SORCS1: variants seen among roughly 807,000 people sequenced by gnomAD.
The protein encoded by SORCS1 is sortilin related VPS10 domain containing receptor 1, also known as VPS10 domain-containing receptor SorCS1.
In SORCS1, 60 loss-of-function variants were observed where a neutral mutation model predicts 146.1. That is an observed-to-expected ratio of 0.41 (90% CI 0.33 to 0.51). The LOEUF (loss-of-function observed/expected upper bound fraction) is 0.51. SORCS1 is among the 20% of genes least tolerant of loss of function. The pLI is 0.21. For missense variants in SORCS1, 1,352 were observed against 1,487.6 expected (o/e 0.91, Z 1.50); for synonymous variants, 637 against 584.0 (o/e 1.09, Z -1.31).
At chr10:107,151,087 A>T (rs1278314679) in intron 1 of SORCS1, among the ~76,000 whole-genome samples, 1 of 152,200 alleles carries the variant, frequency 6.6e-6, no homozygotes, top group African/African-American at 2.4e-5. Context: ...GAGGGCTCAG[A>T]AGAAGACAGG....
At chr10:107,018,610 T>C (rs562764430) in intron 1 of SORCS1, among the ~76,000 whole-genome samples, 36 of 152,198 alleles carry the variant, frequency 2.4e-4, no homozygotes, top group Non-Finnish European at 5.0e-4. Context: ...GCTTTTCTTT[T>C]GTTAATCAAT....
intron 1 of SORCS1, among the ~76,000 whole-genome samples, chr10:107,140,377 A>G (rs1459336302): frequency 3.3e-5 from 5 of 152,204 alleles, no homozygotes; most frequent in Admixed American, 2.6e-4. Context: ...GTGCAGTTTT[A>G]TTGTCAGCAA....
intron 1 of SORCS1, among the ~76,000 whole-genome samples, chr10:107,141,064 C>T (rs1192929559): frequency 6.6e-6 from 1 of 152,200 alleles, no homozygotes; most frequent in East Asian, 1.9e-4. Context: ...GATTTCTCAT[C>T]TGTAAAATGA....
intron 9 of SORCS1, among the ~76,000 whole-genome samples, chr10:106,693,720 G>T (rs764294691): frequency 6.6e-6 from 1 of 152,088 alleles, no homozygotes; most frequent in Non-Finnish European, 1.5e-5. Flanking sequence ...TTACTTTCTG[G>T]ATGGTTCTGT....
chr10:106,732,177 G>A (rs1856646244), intron 5 of SORCS1, among the ~76,000 whole-genome samples: 1 of 152,212 alleles, frequency 6.6e-6, no homozygotes, highest in Admixed American at 6.5e-5. Flanking sequence ...GCCTATGCTT[G>A]AAACATTAAA....
intron 24 of SORCS1, among the ~76,000 whole-genome samples, chr10:106,582,802 G>A (rs1036748776): frequency 1.3e-5 from 2 of 152,174 alleles, no homozygotes; most frequent in Non-Finnish European, 2.9e-5. Context: ...AAAATCCTCT[G>A]AGGAATTTGG....
chr10:106,731,706 C>T (rs1856611672), intron 5 of SORCS1, among the ~76,000 whole-genome samples: 1 of 152,048 alleles, frequency 6.6e-6, no homozygotes, highest in East Asian at 1.9e-4. Context: ...CCTCTTCCCC[C>T]AACAGACACA....
chr10:106,857,585 G>A (rs2137377142), intron 2 of SORCS1, among the ~76,000 whole-genome samples: 1 of 152,286 alleles, frequency 6.6e-6, no homozygotes, highest in Non-Finnish European at 1.5e-5. Flanking sequence ...GGGCGCATTG[G>A]GTGCATCACA....
At chr10:106,639,926 G>A (rs766456378) in intron 18 of SORCS1, among the ~76,000 whole-genome samples, 48 of 152,020 alleles carry the variant, frequency 3.2e-4, no homozygotes, top group Non-Finnish European at 6.3e-4. Context: ...GCTGAGGGAG[G>A]AGAATTGCTT....
intron 1 of SORCS1, among the ~76,000 whole-genome samples, chr10:107,029,574 A>G (rs1016070938): frequency 6.6e-6 from 1 of 152,174 alleles, no homozygotes; most frequent in Non-Finnish European, 1.5e-5. Context: ...TTTTAATCCT[A>G]TTGCCTAAAT....
chr10:107,118,533 C>T (rs552082979), intron 1 of SORCS1, among the ~76,000 whole-genome samples: 23 of 152,224 alleles, frequency 1.5e-4, no homozygotes, highest in African/African-American at 5.3e-4. Flanking sequence ...CATCCAATGT[C>T]CTTTGATTTA....
chr10:106,723,329 A>G (rs1412264205), intron 6 of SORCS1, among the ~76,000 whole-genome samples: 2 of 151,968 alleles, frequency 1.3e-5, no homozygotes, highest in African/African-American at 4.8e-5. Context: ...AAATGCACCT[A>G]TGTTAGGTAA....
intron 1 of SORCS1, among the ~76,000 whole-genome samples, chr10:107,026,955 T>C (rs1021259570): frequency 4.0e-5 from 6 of 151,206 alleles, no homozygotes; most frequent in Non-Finnish European, 7.4e-5. Context: ...TTTAAAAATA[T>C]GAATAAATCA....
At chr10:107,093,478 T>C (rs1241809575) in intron 1 of SORCS1, among the ~76,000 whole-genome samples, 1 of 152,054 alleles carries the variant, frequency 6.6e-6, no homozygotes, top group East Asian at 1.9e-4. Context: ...ATAGAAACCA[T>C]CCTGGCCAAC....
intron 2 of SORCS1, among the ~76,000 whole-genome samples, chr10:106,885,243 T>G (rs1436356825): frequency 6.7e-6 from 1 of 149,928 alleles, no homozygotes; most frequent in Non-Finnish European, 1.5e-5. Context: ...ACTGTATGTA[T>G]GATTTTTTTT....
intron 6 of SORCS1, among the ~76,000 whole-genome samples, chr10:106,724,344 T>C (rs1554910674): frequency 1.3e-5 from 2 of 151,830 alleles, no homozygotes; most frequent in Non-Finnish European, 1.5e-5. Context: ...CCATCTCTAC[T>C]AAAAATACCA....
At chr10:106,661,292 C>T (rs1235220507) in intron 17 of SORCS1, among the ~76,000 whole-genome samples, 1 of 152,194 alleles carries the variant, frequency 6.6e-6, no homozygotes, top group Non-Finnish European at 1.5e-5. Flanking sequence ...GTTCAGTAAT[C>T]AGCTAAACAC....
chr10:106,763,143 A>AAAT (rs1205848404), intron 4 of SORCS1, among the ~76,000 whole-genome samples: 2 of 152,216 alleles, frequency 1.3e-5, no homozygotes, highest in Non-Finnish European at 2.9e-5. Context: ...GGACAGTTCA[A>AAAT]AATAATAATA....
chr10:106,589,444 A>G (rs1309521466), intron 24 of SORCS1, among the ~76,000 whole-genome samples: 5 of 152,204 alleles, frequency 3.3e-5, no homozygotes, highest in Non-Finnish European at 7.3e-5. Context: ...ACAAAGATAC[A>G]GGGTTTGATA....
Sources: allele counts gnomAD v4.1 joint callset (sites outside exome capture counted in the v4.1 genomes callset), GRCh38; gene constraint gnomAD v4.1.1; transcripts MANE v1.5; gene names NCBI Gene and HGNC (gene_info 2026-07-23, HGNC 2026-07-21).